ZNF804B: variants seen among roughly 807,000 people sequenced by gnomAD.
ZNF804B encodes the protein zinc finger protein 804B, also known as zinc finger 804B.
ZNF804B carries 80 observed loss-of-function variants against 101.4 expected under a neutral mutation model. The observed-to-expected ratio is 0.79, with a 90% CI of 0.66 to 0.95. ZNF804B has a LOEUF of 0.95. Among genes scored for constraint, ZNF804B ranks in the 40% least tolerant of loss-of-function variants. The pLI is 0.00. For synonymous variants in ZNF804B, 622 were observed against 558.8 expected, an observed-to-expected ratio of 1.11 and a Z score of -1.59; for missense variants, 1,673 against 1,561.9, an observed-to-expected ratio of 1.07 and a Z score of -1.20.
chr7:88,854,527 T>TTCC lies in ZNF804B; in HGVS notation c.108+94444_108+94445insCCT, dbSNP rs1554340248. 2.7e-3 allele frequency among the ~76,000 whole-genome samples: 108 copies of TTCC among 40,024 alleles called. 1 individual carries two copies. The highest frequency in any genetic ancestry group is 3.3e-3 in the Non-Finnish European group (72 of 21,548). The allele number at this position is 40,024 out of a possible 152,430, so 26.3% of individuals were successfully genotyped here. A position where few individuals can be genotyped will look rare whatever the true frequency, so the allele number is the denominator to read the frequency against. On this transcript the variant is annotated intron_variant, in intron 1 of 3. Coordinates refer to ENST00000333190, the MANE Select transcript of ZNF804B (RefSeq NM_181646.5). The stretch of plus-strand genomic sequence containing the variant: ...CTTTCCTTTCCTTTCCTTTCCTTCC[T>TTCC]TTCCTTCCTTCCTTCCTTCCTTCCT...
At chr7:89,078,605 TA>T (rs527711665) in intron 1 of ZNF804B, among the ~76,000 whole-genome samples, 3 of 149,896 alleles carry the variant, frequency 2.0e-5, no homozygotes, top group Non-Finnish European at 4.4e-5. Flanking sequence ...TAGGGCAATA[TA>T]AAAAAAACAC....
intron 1 of ZNF804B, among the ~76,000 whole-genome samples, chr7:89,115,705 G>A (rs1033766859): frequency 6.6e-6 from 1 of 152,070 alleles, no homozygotes; most frequent in African/African-American, 2.4e-5. Context: ...AAGAAATTGT[G>A]TATATTTAAA....
In ZNF804B at chr7:89,090,999, C is replaced by T. The variant is rs548344924; in HGVS notation, c.109-127156C>T. On this transcript the variant is annotated intron_variant, in intron 1 of 3. Transcript: ENST00000333190. ...TAACACATTTTGAGGAAAGTTTGGA[C>T]GTAAGTATTGAGTATGTGGATGAGC... 8.5e-5 allele frequency among the ~76,000 whole-genome samples: 13 copies of T among 152,160 alleles called. 1 individual carries two copies. In the East Asian group the frequency reaches 1.4e-3, roughly 16 times the overall value.
intron 1 of ZNF804B, among the ~76,000 whole-genome samples, chr7:88,828,983 A>C (rs1204400202): frequency 2.6e-5 from 4 of 152,154 alleles, no homozygotes; most frequent in Non-Finnish European, 5.9e-5. Flanking sequence ...CAGCTACTGA[A>C]CTGTTATGTG....
At chr7:89,192,400 T>C (rs1352769040) in intron 1 of ZNF804B, among the ~76,000 whole-genome samples, 1 of 151,664 alleles carries the variant, frequency 6.6e-6, no homozygotes, top group African/African-American at 2.4e-5. Context: ...GTCCATACAA[T>C]AGAATGCCAT....
chr7:89,037,894 A>C (rs1023705425), intron 1 of ZNF804B, among the ~76,000 whole-genome samples: 1 of 152,150 alleles, frequency 6.6e-6, no homozygotes, highest in Non-Finnish European at 1.5e-5. Flanking sequence ...ACGCATGAAT[A>C]AGATTATGCA....
intron 2 of ZNF804B, among the ~76,000 whole-genome samples, chr7:89,267,266 T>C (rs1162557985): frequency 6.6e-6 from 1 of 152,154 alleles, no homozygotes; most frequent in East Asian, 1.9e-4. Context: ...CTTTGTGAAC[T>C]TGCTCTATCC....
intron 1 of ZNF804B, among the ~76,000 whole-genome samples, chr7:89,075,406 G>A (rs1437662660): frequency 1.3e-5 from 2 of 152,152 alleles, no homozygotes; most frequent in African/African-American, 4.8e-5. Flanking sequence ...AGGGGCCCAG[G>A]TACAGCTCCA....
Position 88,836,712 on chromosome 7 carries a change from ATC to A in ZNF804B, c.108+76642_108+76643del, listed in dbSNP as rs757403415. On this transcript the variant is annotated intron_variant, in intron 1 of 3. Transcript: ENST00000333190. The stretch of plus-strand genomic sequence containing the variant: ...TCTATGCAGATTTCCAGAGCATGCT[ATC>A]TCTCTCTCTCTCTATGCAATTCGCT... 7.9e-4 allele frequency among the ~76,000 whole-genome samples: 120 copies of A among 150,996 alleles called. 1 individual carries two copies. The highest frequency in any genetic ancestry group is 2.8e-3 in the African/African-American group (114 of 41,274).
At chr7:89,209,255 T>C (rs890900518) in intron 1 of ZNF804B, among the ~76,000 whole-genome samples, 1 of 152,170 alleles carries the variant, frequency 6.6e-6, no homozygotes, top group Non-Finnish European at 1.5e-5. Flanking sequence ...ACATGTTTAA[T>C]GTGCTTTTAT....
intron 2 of ZNF804B, among the ~76,000 whole-genome samples, chr7:89,287,850 T>C (rs1357143301): frequency 1.3e-5 from 2 of 151,766 alleles, no homozygotes; most frequent in African/African-American, 4.8e-5. Flanking sequence ...GTAAGAACAA[T>C]GCTAAAATAA....
intron 2 of ZNF804B, among the ~76,000 whole-genome samples, chr7:89,275,340 C>T (rs1269880547): frequency 1.3e-5 from 2 of 151,996 alleles, no homozygotes; most frequent in Non-Finnish European, 2.9e-5. Context: ...CTGCTTCTGC[C>T]CTTGTACATC....
intron 1 of ZNF804B, among the ~76,000 whole-genome samples, chr7:88,996,189 A>T (rs760591738): frequency 3.3e-5 from 5 of 152,070 alleles, no homozygotes; most frequent in Non-Finnish European, 5.9e-5. Context: ...AAAATAGGAG[A>T]TAAAGGAAAA....
Position 88,935,364 on chromosome 7 carries a change from G to C in ZNF804B, c.108+175280G>C, listed in dbSNP as rs545507255. ...TACTCAAAAAACTATTGAAGTAAAAGTAATTAAAAAAAAAAAAAAAAAGAA... is the reference window on the plus strand; with the variant it reads ...TACTCAAAAAACTATTGAAGTAAAACTAATTAAAAAAAAAAAAAAAAAGAA... On this transcript the variant is annotated intron_variant, in intron 1 of 3. Transcript: ENST00000333190. Among the ~76,000 whole-genome samples the C allele has an allele frequency of 4.4e-5, 5 of 113,090 alleles. No individual in the cohort carries two copies. The East Asian group carries it at 1.8e-3, about 40-fold the overall frequency. The allele number at this position is 113,090 out of a possible 152,430, so 74.2% of individuals were successfully genotyped here.
At chr7:88,885,016 A>G (rs1034911984) in intron 1 of ZNF804B, among the ~76,000 whole-genome samples, 1 of 151,896 alleles carries the variant, frequency 6.6e-6, no homozygotes, top group African/African-American at 2.4e-5. Flanking sequence ...ATAAATTACT[A>G]CACTAAATCC....
intron 1 of ZNF804B, among the ~76,000 whole-genome samples, chr7:88,878,544 G>A (rs1791984528): frequency 6.6e-6 from 1 of 152,136 alleles, no homozygotes; most frequent in Admixed American, 6.6e-5. Context: ...ATGCTTAGAA[G>A]AGTGTCTGGC....
intron 2 of ZNF804B, among the ~76,000 whole-genome samples, chr7:89,270,881 A>T (rs1017613318): frequency 6.6e-6 from 1 of 151,848 alleles, no homozygotes; most frequent in Non-Finnish European, 1.5e-5. Flanking sequence ...TGTTATTGGT[A>T]TATAAGAATG....
intron 1 of ZNF804B, among the ~76,000 whole-genome samples, chr7:89,033,046 A>T (rs1341387946): frequency 6.6e-6 from 1 of 151,300 alleles, no homozygotes; most frequent in Non-Finnish European, 1.5e-5. Flanking sequence ...AAAAGGAAAA[A>T]AAAAAACCGT....
intron 1 of ZNF804B, among the ~76,000 whole-genome samples, chr7:88,953,048 C>G (rs918919466): frequency 7.2e-5 from 11 of 151,748 alleles, no homozygotes; most frequent in African/African-American, 2.7e-4. Flanking sequence ...CCAACTCTTA[C>G]CTGGTGTCAG....
Sources: allele counts gnomAD v4.1 joint callset (sites outside exome capture counted in the v4.1 genomes callset), GRCh38; gene constraint gnomAD v4.1.1; transcripts MANE v1.5; gene names NCBI Gene and HGNC (gene_info 2026-07-23, HGNC 2026-07-21).